The following CLYBL variants were observed in gnomAD, a reference collection of about 807,000 sequenced individuals.
CLYBL encodes the protein citramalyl-CoA lyase, mitochondrial.
CLYBL carries 31 observed loss-of-function variants against 38.9 expected under a neutral mutation model. The observed-to-expected ratio is 0.80, with a 90% confidence interval of 0.60 to 1.08. The LOEUF is 1.08. Ranked by LOEUF, CLYBL falls within the 50% of genes least tolerant of loss-of-function variation. CLYBL has a pLI of 0.00. For missense variants in CLYBL, 434 were observed against 411.6 expected, an observed-to-expected ratio of 1.05 and a Z score of -0.47; for synonymous variants, 171 against 158.6, an observed-to-expected ratio of 1.08 and a Z score of -0.59.
intron 1 of CLYBL, among the ~76,000 whole-genome samples, chr13:99,681,963 C>A (rs1566608526): frequency 6.6e-6 from 1 of 151,992 alleles, no homozygotes; most frequent in African/African-American, 2.4e-5. Flanking sequence ...AGAAATGCAT[C>A]CTTAGGCAAT....
chr13:99,725,725 G>A (rs975996856), intron 1 of CLYBL, among the ~76,000 whole-genome samples: 4 of 152,172 alleles, frequency 2.6e-5, no homozygotes, highest in Non-Finnish European at 5.9e-5. Context: ...TTCGGTATCC[G>A]TACATTTCCA....
chr13:99,742,381 ATGT>A (rs1467012884), intron 1 of CLYBL, among the ~76,000 whole-genome samples: 2 of 152,230 alleles, frequency 1.3e-5, no homozygotes, highest in Admixed American at 1.3e-4. Flanking sequence ...AAAGTTACAC[ATGT>A]TGTTATTTTA....
At chr13:99,886,199 A>G (rs1175318429) in intron 7 of CLYBL, among the ~76,000 whole-genome samples, 1 of 152,262 alleles carries the variant, frequency 6.6e-6, no homozygotes, top group Non-Finnish European at 1.5e-5. Context: ...TATCCACAGA[A>G]GTTAATTTGG....
intron 2 of CLYBL, among the ~76,000 whole-genome samples, chr13:99,827,209 C>T (rs917889801): frequency 3.3e-5 from 5 of 152,254 alleles, no homozygotes; most frequent in Admixed American, 1.3e-4. Context: ...AGTGGGGTTA[C>T]GTGTGAGCCT....
intron 3 of CLYBL, among the ~76,000 whole-genome samples, chr13:99,860,280 A>C (rs989891411): frequency 2.0e-5 from 3 of 152,212 alleles, no homozygotes; most frequent in Non-Finnish European, 4.4e-5. Context: ...AGATACTATT[A>C]AAATTAAATT....
chr13:99,852,335 C>A (rs1016353463), intron 2 of CLYBL, among the ~76,000 whole-genome samples: 1 of 152,168 alleles, frequency 6.6e-6, no homozygotes, highest in African/African-American at 2.4e-5. Flanking sequence ...AACTCCTGGG[C>A]TCAAGTGATC....
At chr13:99,709,893 C>G (rs1311973668) in intron 1 of CLYBL, among the ~76,000 whole-genome samples, 1 of 146,916 alleles carries the variant, frequency 6.8e-6, no homozygotes, top group South Asian at 2.2e-4. Context: ...TAGCTGGTTT[C>G]GCCCCTACCT....
At chr13:99,647,108 C>T (rs2047188113) in intron 1 of CLYBL, among the ~76,000 whole-genome samples, 2 of 152,290 alleles carry the variant, frequency 1.3e-5, no homozygotes, top group Middle Eastern at 3.4e-3. Flanking sequence ...GACCACTCTG[C>T]CCACACCTAA....
rs751163241 is a variant in CLYBL, at chr13:99,864,465, T to C, written c.541-353T>C. Among the ~76,000 whole-genome samples the C allele has an allele frequency of 3.1e-4, 47 of 152,302 alleles. No homozygotes were observed. In the Middle Eastern group the frequency reaches 0.014, roughly 44 times the overall value. ...ATTTTAAAATTCCTTCCTTCTCCCC[T>C]GTGGTTTTACGAGAGTCTCTTAAAG... On this transcript the variant is annotated intron_variant, in intron 4 of 8. Transcript: ENST00000339105.
At chr13:99,817,510 C>T (rs1250785725) in intron 2 of CLYBL, among the ~76,000 whole-genome samples, 3 of 151,804 alleles carry the variant, frequency 2.0e-5, no homozygotes, top group African/African-American at 7.3e-5. Context: ...AAAAACTTAG[C>T]CGGGCGTGGT....
At chr13:99,842,711 T>A (rs2051111628) in intron 2 of CLYBL, among the ~76,000 whole-genome samples, 1 of 103,320 alleles carries the variant, frequency 9.7e-6, no homozygotes, top group African/African-American at 3.1e-5. Flanking sequence ...AGCCCTTTTT[T>A]TTAAAAAAAA....
At chr13:99,743,966 CTTTTTTTT>C (rs1162079530) in intron 1 of CLYBL, among the ~76,000 whole-genome samples, 60 of 69,178 alleles carry the variant, frequency 8.7e-4, no homozygotes, top group Admixed American at 2.1e-3. Context: ...TCTCTTCTTT[CTTTTTTTT>C]TTTTTTTTTT....
intron 1 of CLYBL, among the ~76,000 whole-genome samples, chr13:99,677,278 C>T (rs1337638332): frequency 6.6e-6 from 1 of 151,998 alleles, no homozygotes; most frequent in Non-Finnish European, 1.5e-5. Flanking sequence ...TTTCTTATAA[C>T]CTCTCCAAGA....
chr13:99,718,864 CAG>C (rs1339910036), intron 1 of CLYBL, among the ~76,000 whole-genome samples: 1 of 151,448 alleles, frequency 6.6e-6, no homozygotes. Flanking sequence ...TTTTTCTGAG[CAG>C]AGTTTCGCTC....
intron 1 of CLYBL, among the ~76,000 whole-genome samples, chr13:99,770,082 T>C (rs2049352404): frequency 1.5e-5 from 2 of 131,250 alleles, no homozygotes; most frequent in Admixed American, 7.4e-5. Context: ...TTTTCTTTCT[T>C]TTTTTTTTTT....
At chr13:99,888,240 T>C (rs2052400216) in intron 7 of CLYBL, among the ~76,000 whole-genome samples, 1 of 150,250 alleles carries the variant, frequency 6.7e-6, no homozygotes, top group South Asian at 2.1e-4. Context: ...AACTGCACAC[T>C]TAAAAATGTC....
chr13:99,817,315 GGGAGGAGAGT>G (rs1319940771), intron 2 of CLYBL, among the ~76,000 whole-genome samples: 1 of 152,108 alleles, frequency 6.6e-6, no homozygotes, highest in East Asian at 1.9e-4. Context: ...GAAAGGAGAG[GGGAGGAGAGT>G]GGAGGAGAGG....
intron 1 of CLYBL, chr13:99,726,154 AATT>A (rs1206454751): frequency 6.6e-6 from 1 of 152,194 alleles, no homozygotes; most frequent in African/African-American, 2.4e-5. Flanking sequence ...AATTTTCTTA[AATT>A]ATTATTTTCA....
chr13:99,845,404 A>T (rs1404432468), intron 2 of CLYBL, among the ~76,000 whole-genome samples: 1 of 152,098 alleles, frequency 6.6e-6, no homozygotes, highest in Non-Finnish European at 1.5e-5. Flanking sequence ...GCTTTATGAA[A>T]ATTCACCGGG....
Sources: gnomAD v4.1 joint callset for allele counts (sites outside exome capture counted in the v4.1 genomes callset) on GRCh38, gnomAD v4.1.1 for gene constraint, MANE v1.5 for transcripts, NCBI Gene and HGNC (gene_info 2026-07-23, HGNC 2026-07-21) for gene names.